The following FAM171B variants were observed in gnomAD, a reference collection of about 807,000 sequenced individuals.
The protein encoded by FAM171B is protein FAM171B.
In FAM171B, 19 loss-of-function variants were observed where a neutral mutation model predicts 75.6. That is an observed-to-expected ratio of 0.25 (90% CI 0.18 to 0.37). FAM171B has a LOEUF of 0.37. Among genes scored for constraint, FAM171B ranks in the 10% least tolerant of loss-of-function variants. The pLI, the probability that FAM171B is intolerant of heterozygous loss-of-function variation, is 1.00. For synonymous variants in FAM171B, 367 were observed against 361.7 expected (o/e 1.01, Z -0.17); for missense variants, 848 against 982.4 (o/e 0.86, Z 1.83).
At chr2:186,757,788 T>C (rs1207609905) in intron 6 of FAM171B, among the ~76,000 whole-genome samples, 8 of 152,120 alleles carry the variant, frequency 5.3e-5, no homozygotes, top group Admixed American at 5.2e-4. Context: ...GCCATACATA[T>C]AGGATTTGGG....
At chr2:186,750,804 G>A (rs569617624) in intron 4 of FAM171B, among the ~76,000 whole-genome samples, 10 of 152,240 alleles carry the variant, frequency 6.6e-5, no homozygotes, top group African/African-American at 2.2e-4. Context: ...AGCCTTTATG[G>A]AATATGGTAC....
rs567024511 is a variant in FAM171B at position 186,716,210 on chromosome 2, C to T, written c.238+21799C>T. Among the ~76,000 whole-genome samples, 12 of 152,190 alleles carry T rather than the reference C, an allele frequency of 7.9e-5. No individual in the cohort carries two copies. The South Asian group carries it at 2.3e-3, about 29-fold the overall frequency. On this transcript the variant is annotated intron_variant, in intron 1 of 7. Coordinates refer to ENST00000304698, the MANE Select transcript of FAM171B (RefSeq NM_177454.4). The stretch of plus-strand genomic sequence containing the variant: ...AAATTGTTTTGTAGAGATAGGGTCT[C>T]ACTGTATTGCCCAGGCTGGTCTTGA...
intron 1 of FAM171B, among the ~76,000 whole-genome samples, chr2:186,704,197 C>A (rs1341460333): frequency 4.6e-5 from 7 of 152,034 alleles, no homozygotes; most frequent in Non-Finnish European, 1.0e-4. Flanking sequence ...CTTAATACTT[C>A]TAAAAATTTC....
chr2:186,750,546 T>C (rs1472096140), intron 4 of FAM171B, among the ~76,000 whole-genome samples: 1 of 152,220 alleles, frequency 6.6e-6, no homozygotes, highest in East Asian at 1.9e-4. Flanking sequence ...ACAGTGATTT[T>C]GTTTCATGTT....
At chr2:186,719,566 A>G (rs189920967) in intron 1 of FAM171B, among the ~76,000 whole-genome samples, 2 of 152,248 alleles carry the variant, frequency 1.3e-5, no homozygotes, top group Admixed American at 1.3e-4. Flanking sequence ...AACAAATAAA[A>G]CAACAATCTT....
intron 2 of FAM171B, 43 bp from the exon 3 acceptor site, chr2:186,743,440 C>T (rs777500589): frequency 5.0e-6 from 7 of 1,396,880 alleles, no homozygotes; most frequent in South Asian, 2.4e-5. Flanking sequence ...GTTTTTTTCC[C>T]CTCACATTAA....
chr2:186,712,201 C>T (rs1689818867), intron 1 of FAM171B, among the ~76,000 whole-genome samples: 1 of 152,136 alleles, frequency 6.6e-6, no homozygotes, highest in Non-Finnish European at 1.5e-5. Flanking sequence ...ACAATATTTA[C>T]TTGACTTGTT....
chr2:186,699,196 A>G (rs1156912917), intron 1 of FAM171B, among the ~76,000 whole-genome samples: 1 of 152,058 alleles, frequency 6.6e-6, no homozygotes, highest in African/African-American at 2.4e-5. Context: ...TTTTTGAGGA[A>G]CCTCCTACTG....
At chr2:186,740,794 G>C (rs968351308) in intron 2 of FAM171B, among the ~76,000 whole-genome samples, 15 of 152,144 alleles carry the variant, frequency 9.9e-5, no homozygotes, top group African/African-American at 3.6e-4. Flanking sequence ...GTCCTCACAT[G>C]GTAGAATGGG....
chr2:186,747,251 GTAT>G lies in FAM171B; in HGVS notation c.724+5_724+7del. ...ACTGGAATTACTCTCAATAAACCAG[GTAT>G]TATCTACTTTTTGTATAATATAGTT... On this transcript the variant is annotated splice_donor_variant and splice_donor_region_variant and intron_variant, in intron 4 of 7. Coordinates refer to ENST00000304698, the MANE Select transcript of FAM171B (RefSeq NM_177454.4). LOFTEE classifies it high-confidence loss of function. 1 of 1,562,464 alleles carries G rather than the reference GTAT, an allele frequency of 6.4e-7. No homozygotes were observed. Among genetic ancestry groups the G allele is most frequent in the Non-Finnish European group, 8.6e-7 (1 of 1,159,276 alleles).
intron 2 of FAM171B, 140 bp from the exon 3 acceptor site, chr2:186,743,343 G>T: frequency 2.4e-5 from 14 of 579,770 alleles, no homozygotes; most frequent in South Asian, 4.5e-5. Context: ...TTCTTCCTTT[G>T]TTTTGAATTG....
chr2:186,759,920 T>C (rs2682850), intron 6 of FAM171B, among the ~76,000 whole-genome samples: 10,970 of 152,150 alleles, frequency 0.072, 419 homozygotes, highest in Non-Finnish European at 0.093. Context: ...TAGTTTGAGG[T>C]CTTAGATTTA....
intron 1 of FAM171B, among the ~76,000 whole-genome samples, chr2:186,737,265 C>T (rs1054852344): frequency 6.6e-6 from 1 of 152,188 alleles, no homozygotes; most frequent in Non-Finnish European, 1.5e-5. Context: ...CTTAGGCAGA[C>T]GTTATCAAGA....
At position 186,762,078 on chromosome 2, in the gene FAM171B, G is replaced by A. The variant is rs145287585; in HGVS notation, c.1736G>A (p.Arg579Gln). Residue 579 changes from arginine (R) to glutamine (Q), a missense_variant, in exon 8 of 8, where the codon CGA becomes CAA. Arg to Gln is a conservative substitution (Grantham distance 43). Around this residue, in one of 3 missense-constraint regions of FAM171B, gnomAD observed 665 missense variants for 729.0 expected, o/e 0.91. Coordinates refer to ENST00000304698, the MANE Select transcript of FAM171B (RefSeq NM_177454.4). This position sits in a 1 kb window ranked among gnomAD's most constrained non-coding sequence, Gnocchi z 4.0. ...GGCCAATTGATGGAACCAGTAAATC[G>A]AGAGAACTTTACGCAGACCTTGCCC... The part of the protein sequence containing the change: ...VYGQLMEPVN[R>Q]ENFTQTLPKM... 9.9e-6 allele frequency: 16 copies of A among 1,613,530 alleles called. No homozygotes were observed. The highest frequency in any genetic ancestry group is 2.7e-5 in the African/African-American group (2 of 74,840).
intron 1 of FAM171B, among the ~76,000 whole-genome samples, chr2:186,734,299 G>A (rs1690165027): frequency 6.6e-6 from 1 of 151,916 alleles, no homozygotes; most frequent in Non-Finnish European, 1.5e-5. Context: ...GCCCTCAGCA[G>A]AGAGGAGACC....
At chr2:186,728,807 T>TA (rs1474631863) in intron 1 of FAM171B, among the ~76,000 whole-genome samples, 5 of 152,320 alleles carry the variant, frequency 3.3e-5, no homozygotes, top group Non-Finnish European at 5.9e-5. Flanking sequence ...TCCATGTGTA[T>TA]AGTTGTAACC....
At chr2:186,726,580 G>T (rs1282066996) in intron 1 of FAM171B, among the ~76,000 whole-genome samples, 1 of 151,944 alleles carries the variant, frequency 6.6e-6, no homozygotes, top group Non-Finnish European at 1.5e-5. Flanking sequence ...TAGGGAAATC[G>T]TGCTAGTACC....
At chr2:186,706,996 T>C (rs1331051490) in intron 1 of FAM171B, among the ~76,000 whole-genome samples, 1 of 152,212 alleles carries the variant, frequency 6.6e-6, no homozygotes, top group Non-Finnish European at 1.5e-5. Context: ...CTGTTTAACA[T>C]TCTGTGACTG....
chr2:186,699,500 T>A (rs373302500), intron 1 of FAM171B, among the ~76,000 whole-genome samples: 1 of 152,196 alleles, frequency 6.6e-6, no homozygotes, highest in Non-Finnish European at 1.5e-5. Flanking sequence ...ATTGAATTGT[T>A]TGAGTTCCTT....
Sources: gnomAD v4.1 joint callset for allele counts (sites outside exome capture counted in the v4.1 genomes callset) on GRCh38, gnomAD v4.1.1 for gene constraint, gnomAD v4.1.1 regional missense constraint, Gnocchi (gnomAD v3.1) non-coding constraint, MANE v1.5 for transcripts, NCBI Gene and HGNC (gene_info 2026-07-23, HGNC 2026-07-21) for gene names.